Variants in PMM2 observed in about 807,000 individuals in gnomAD.
PMM2 encodes mannose-6-phosphate isomerase.
In PMM2, 35 loss-of-function variants were observed where a neutral mutation model predicts 33.2. That is an observed-to-expected ratio of 1.06 (90% CI 0.81 to 1.40). PMM2 has a LOEUF of 1.40. Ranked by LOEUF, PMM2 falls within the 40% of genes most tolerant of loss-of-function variation. The probability of loss-of-function intolerance (pLI) is 0.00; values close to 1 mark genes in which losing one functional copy is unlikely to be tolerated. For missense variants in PMM2, 386 were observed against 306.0 expected (o/e 1.26, Z -1.95); for synonymous variants, 153 against 114.7 (o/e 1.33, Z -2.13).
intron 7 of PMM2, among the ~76,000 whole-genome samples, chr16:8,831,691 T>C (rs1286880812): frequency 6.6e-6 from 1 of 152,198 alleles, no homozygotes; most frequent in Non-Finnish European, 1.5e-5. Context: ...GGTTCACTGC[T>C]ACACTGCACA....
chr16:8,819,948 A>C (rs960116387), intron 7 of PMM2, among the ~76,000 whole-genome samples: 2 of 152,178 alleles, frequency 1.3e-5, no homozygotes, highest in African/African-American at 4.8e-5. Flanking sequence ...CGCTTCTAAC[A>C]TGCTACCTGC....
At chr16:8,802,837 A>AC in intron 2 of PMM2, among the ~76,000 whole-genome samples, 1 of 151,226 alleles carries the variant, frequency 6.6e-6, no homozygotes, top group East Asian at 1.9e-4. Context: ...TCTTGGAAAA[A>AC]AAAAAAAATT....
At chr16:8,824,325 A>C (rs902235448) in intron 7 of PMM2, among the ~76,000 whole-genome samples, 1 of 152,178 alleles carries the variant, frequency 6.6e-6, no homozygotes, top group African/African-American at 2.4e-5. Context: ...CTGATTATAA[A>C]CTGCCTTTTG....
At chr16:8,842,588 G>A (rs2060897438) in intron 7 of PMM2, among the ~76,000 whole-genome samples, 1 of 152,180 alleles carries the variant, frequency 6.6e-6, no homozygotes, top group South Asian at 2.1e-4. Context: ...ATCAAGTGTG[G>A]AATAGTGAGT....
intron 7 of PMM2, among the ~76,000 whole-genome samples, chr16:8,841,206 T>C (rs1309262955): frequency 2.0e-5 from 3 of 150,368 alleles, no homozygotes; most frequent in Non-Finnish European, 4.4e-5. Flanking sequence ...CACTGAATAC[T>C]AAGAGCCTGA....
At chr16:8,830,861 G>A (rs186227809) in intron 7 of PMM2, among the ~76,000 whole-genome samples, 126 of 152,326 alleles carry the variant, frequency 8.3e-4, no homozygotes, top group African/African-American at 2.9e-3. Context: ...ACTATAGGCC[G>A]GGCAGGGTGG....
chr16:8,829,751 C>T (rs2060799272), intron 7 of PMM2, among the ~76,000 whole-genome samples: 1 of 152,222 alleles, frequency 6.6e-6, no homozygotes. Context: ...CTTCAGGGTT[C>T]AGTGAATGTG....
chr16:8,829,831 A>G (rs376455772), intron 7 of PMM2, among the ~76,000 whole-genome samples: 1 of 152,212 alleles, frequency 6.6e-6, no homozygotes, highest in African/African-American at 2.4e-5. Flanking sequence ...TCCTCCACAT[A>G]TACAAACACA....
intron 6 of PMM2, among the ~76,000 whole-genome samples, chr16:8,812,122 T>C (rs921881663): frequency 3.9e-5 from 6 of 152,198 alleles, no homozygotes; most frequent in African/African-American, 1.4e-4. Flanking sequence ...TTTGGAATCA[T>C]AGAATGTTTC....
At chr16:8,811,058 C>G in intron 4 of PMM2, 21 bp from the exon 5 acceptor site, 1 of 1,407,930 alleles carries the variant, frequency 7.1e-7, no homozygotes. Flanking sequence ...TGGAGAAACT[C>G]TGTCACCCTT....
chr16:8,810,701 T>A (rs2060672515), intron 4 of PMM2: 1 of 335,774 alleles, frequency 3.0e-6, no homozygotes, highest in South Asian at 2.4e-5. Flanking sequence ...CTCAACCTCC[T>A]GAGTAGCTGG....
intron 2 of PMM2, among the ~76,000 whole-genome samples, chr16:8,804,283 C>T (rs1242855030): frequency 1.3e-5 from 2 of 151,966 alleles, no homozygotes; most frequent in African/African-American, 4.8e-5. Flanking sequence ...TAGTAAAACC[C>T]CGCCAGCCTC....
At chr16:8,804,035 T>TTTG (rs1555449104) in intron 2 of PMM2, among the ~76,000 whole-genome samples, 1 of 88,712 alleles carries the variant, frequency 1.1e-5, no homozygotes. Context: ...TTTTTTGTTT[T>TTTG]TTTTTTTTTT....
intron 7 of PMM2, among the ~76,000 whole-genome samples, chr16:8,844,799 T>G (rs570753440): frequency 6.6e-6 from 1 of 152,270 alleles, no homozygotes; most frequent in Admixed American, 6.5e-5. Context: ...AGGGAGAGAT[T>G]GAAGTGTGGC....
rs190047169 is a variant in PMM2 at position 8,846,978 on chromosome 16, C to G, written c.640-746C>G. ...TCCCGAGTTCAAGCAATTCTCCTGC[C>G]TCAGCCTCCCGAGCAGCTGGGATTT... is the stretch of plus-strand genomic sequence containing the variant. On this transcript the variant is annotated intron_variant, in intron 7 of 7. Transcript: ENST00000268261. 2.1e-3 allele frequency among the ~76,000 whole-genome samples: 319 copies of G among 152,260 alleles called. 2 individuals carry two copies. Among genetic ancestry groups the G allele is most frequent in the Admixed American group, 6.3e-3 (97 of 15,296 alleles).
chr16:8,834,775 C>T (rs1441623245), intron 7 of PMM2, among the ~76,000 whole-genome samples: 1 of 152,002 alleles, frequency 6.6e-6, no homozygotes, highest in Non-Finnish European at 1.5e-5. Flanking sequence ...GGTGGAACCG[C>T]CATCAATAAA....
intron 7 of PMM2, among the ~76,000 whole-genome samples, chr16:8,841,729 A>G (rs4985049): frequency 0.92 from 91,635 of 99,660 alleles, 43,368 homozygotes; most frequent in East Asian, 0.96. Context: ...AATATGGGGA[A>G]ATGGGGTGAA....
chr16:8,798,257 C>T (rs1448037301), intron 1 of PMM2, among the ~76,000 whole-genome samples: 2 of 152,188 alleles, frequency 1.3e-5, no homozygotes, highest in Non-Finnish European at 2.9e-5. Context: ...AGGATTTCAA[C>T]CCAAGATCAG....
intron 7 of PMM2, among the ~76,000 whole-genome samples, chr16:8,822,142 T>G (rs1251254126): frequency 6.6e-6 from 1 of 152,150 alleles, no homozygotes; most frequent in Non-Finnish European, 1.5e-5. Flanking sequence ...GGGTAGGGGC[T>G]TGGGAAGTGG....
Sources: gnomAD v4.1 joint callset for allele counts (sites outside exome capture counted in the v4.1 genomes callset) on GRCh38, gnomAD v4.1.1 for gene constraint, MANE v1.5 for transcripts, NCBI Gene and HGNC (gene_info 2026-07-23, HGNC 2026-07-21) for gene names.